The following CSNK2A2IP variants were observed in gnomAD, a reference collection of about 807,000 sequenced individuals.
The protein encoded by CSNK2A2IP is casein kinase 2 subunit alpha' interacting protein, also known as casein kinase II subunit alpha'-interacting protein.
the CSNK2A2IP span, among the ~76,000 whole-genome samples, chr3:88,345,012 C>A: frequency 6.6e-5 from 10 of 152,028 alleles, no homozygotes; most frequent in African/African-American, 2.4e-4. Flanking sequence ...TAAAGCATTT[C>A]CTCTGATTAA....
chr3:88,446,046 CTTTCTT>C, the CSNK2A2IP span, among the ~76,000 whole-genome samples: 3,376 of 62,212 alleles, frequency 0.054, 224 homozygotes, highest in Admixed American at 0.062. Context: ...TTCTTTCTTT[CTTTCTT>C]TCTTTCTTTC....
chr3:88,342,026 A>G, the CSNK2A2IP span, among the ~76,000 whole-genome samples: 1 of 152,034 alleles, frequency 6.6e-6, no homozygotes, highest in African/African-American at 2.4e-5. Context: ...ATACTAGTAT[A>G]AATTTTTTTA....
the CSNK2A2IP span, among the ~76,000 whole-genome samples, chr3:88,414,190 T>C: frequency 6.8e-6 from 1 of 147,374 alleles, no homozygotes; most frequent in African/African-American, 2.5e-5. Context: ...AAGTAACATA[T>C]ATATGTATAT....
At chr3:88,466,287 C>T in the CSNK2A2IP span, 1 of 1,231,712 alleles carries the variant, frequency 8.1e-7, no homozygotes, top group Non-Finnish European at 1.0e-6. Context: ...ATTTTGTCCA[C>T]CCATCTGAGA....
the CSNK2A2IP span, among the ~76,000 whole-genome samples, chr3:88,383,248 G>C: frequency 6.6e-6 from 1 of 152,142 alleles, no homozygotes. Context: ...AAAAATATAA[G>C]AGATTATGCA....
chr3:88,359,382 T>C, the CSNK2A2IP span, among the ~76,000 whole-genome samples: 5 of 152,026 alleles, frequency 3.3e-5, no homozygotes, highest in Non-Finnish European at 7.4e-5. Context: ...TGCTCTGATC[T>C]TTTATTATTT....
At chr3:88,463,219 T>C in the CSNK2A2IP span, among the ~76,000 whole-genome samples, 4 of 151,996 alleles carry the variant, frequency 2.6e-5, no homozygotes, top group Non-Finnish European at 4.4e-5. Flanking sequence ...AACGACTTAA[T>C]TGACTGATTT....
the CSNK2A2IP span, among the ~76,000 whole-genome samples, chr3:88,402,913 T>C: frequency 6.6e-6 from 1 of 152,068 alleles, no homozygotes; most frequent in Non-Finnish European, 1.5e-5. Context: ...AAATGTTTAT[T>C]AAATCTGAGT....
At chr3:88,423,315 T>C in the CSNK2A2IP span, among the ~76,000 whole-genome samples, 3 of 152,158 alleles carry the variant, frequency 2.0e-5, no homozygotes, top group Non-Finnish European at 2.9e-5. Flanking sequence ...AATAGAGAAA[T>C]TGATCGTCTA....
At chr3:88,400,810 G>A in the CSNK2A2IP span, among the ~76,000 whole-genome samples, 5 of 152,156 alleles carry the variant, frequency 3.3e-5, no homozygotes, top group African/African-American at 1.2e-4. Flanking sequence ...GTTATCCTAA[G>A]ACACTAAATT....
chr3:88,340,374 G>T, the CSNK2A2IP span, among the ~76,000 whole-genome samples: 1 of 151,948 alleles, frequency 6.6e-6, no homozygotes, highest in African/African-American at 2.4e-5. Flanking sequence ...TTAAAAAATT[G>T]CCTGTAGTTT....
the CSNK2A2IP span, among the ~76,000 whole-genome samples, chr3:88,432,597 A>G: frequency 2.0e-5 from 3 of 151,718 alleles, no homozygotes; most frequent in African/African-American, 7.2e-5. Flanking sequence ...AGATAAGTAT[A>G]TCAAAACATG....
the CSNK2A2IP span, among the ~76,000 whole-genome samples, chr3:88,442,374 T>C: frequency 1.3e-5 from 2 of 152,030 alleles, no homozygotes; most frequent in Admixed American, 1.3e-4. Flanking sequence ...TACATGTCAA[T>C]ATTTTTTTTC....
the CSNK2A2IP span, among the ~76,000 whole-genome samples, chr3:88,443,901 AAT>A: frequency 3.7e-3 from 568 of 152,190 alleles, 4 homozygotes; most frequent in African/African-American, 0.013. Flanking sequence ...TAAAAAAAAA[AAT>A]AAAAGTGTAA....
At chr3:88,410,461 C>T in the CSNK2A2IP span, among the ~76,000 whole-genome samples, 31 of 152,122 alleles carry the variant, frequency 2.0e-4, no homozygotes, top group African/African-American at 7.2e-4. Context: ...ACCACTCATC[C>T]ACTCCGGAAG....
At chr3:88,433,923 A>C in the CSNK2A2IP span, among the ~76,000 whole-genome samples, 2 of 152,154 alleles carry the variant, frequency 1.3e-5, no homozygotes, top group Non-Finnish European at 2.9e-5. Context: ...ACAAAATCTT[A>C]GTTTGTGATC....
the CSNK2A2IP span, chr3:88,466,292 C>T: frequency 8.1e-7 from 1 of 1,231,758 alleles, no homozygotes; most frequent in Non-Finnish European, 1.0e-6. Context: ...GTCCACCCAT[C>T]TGAGAATTTA....
At chr3:88,457,963 T>C in the CSNK2A2IP span, among the ~76,000 whole-genome samples, 1 of 151,766 alleles carries the variant, frequency 6.6e-6, no homozygotes, top group Non-Finnish European at 1.5e-5. Context: ...GGTTTTCTAT[T>C]TGTTCTTGAG....
the CSNK2A2IP span, among the ~76,000 whole-genome samples, chr3:88,389,444 G>A: frequency 6.6e-6 from 1 of 152,176 alleles, no homozygotes; most frequent in African/African-American, 2.4e-5. Flanking sequence ...TGAGAGCAGA[G>A]GAAAATGAGG....
Sources: gnomAD v4.1 joint callset for allele counts (sites outside exome capture counted in the v4.1 genomes callset) on GRCh38, gnomAD v4.1.1 for gene constraint, MANE v1.5 for transcripts, NCBI Gene and HGNC (gene_info 2026-07-23, HGNC 2026-07-21) for gene names.